Variants in RNF128 observed in about 807,000 individuals in gnomAD.
The protein encoded by RNF128 is E3 ubiquitin-protein ligase RNF128.
RNF128 carries 13 observed loss-of-function variants against 26.2 expected under a neutral mutation model. The ratio of observed to expected loss-of-function variants is 0.50; its 90% CI spans 0.32 to 0.79. RNF128 has a LOEUF of 0.79. Ranked by LOEUF, RNF128 falls within the 30% of genes least tolerant of loss-of-function variation. The pLI is 0.03. For synonymous variants in RNF128, 149 were observed against 142.5 expected, an observed-to-expected ratio of 1.05 and a Z score of -0.32; for missense variants, 315 against 349.7, an observed-to-expected ratio of 0.90 and a Z score of 0.79.
chrX:106,745,816 G>A (rs758282202), intron 1 of RNF128, among the ~76,000 whole-genome samples: 1 of 111,460 alleles, frequency 9.0e-6, no homozygotes, highest in Non-Finnish European at 1.9e-5. Context: ...AGAGAGGCTA[G>A]TTTGGCTTAA....
At chrX:106,751,658 TC>T (rs1406223391) in intron 1 of RNF128, among the ~76,000 whole-genome samples, 1 of 110,108 alleles carries the variant, frequency 9.1e-6, no homozygotes, top group Non-Finnish European at 1.9e-5. Context: ...GTGGACTTTG[TC>T]TTAACATTTG....
chrX:106,707,630 G>A (rs1929064722), intron 1 of RNF128, among the ~76,000 whole-genome samples: 1 of 110,468 alleles, frequency 9.1e-6, no homozygotes, highest in African/African-American at 3.3e-5. Flanking sequence ...GGATTTGGGG[G>A]CCAGTCACCT....
upstream of RNF128, among the ~76,000 whole-genome samples, chrX:106,724,785 C>T (rs1283548450): frequency 2.7e-5 from 3 of 111,692 alleles, no homozygotes; most frequent in Admixed American, 2.9e-4. Context: ...CATCATAGTG[C>T]TTACACTATA....
intron 1 of RNF128, among the ~76,000 whole-genome samples, chrX:106,705,118 A>G (rs868640482): frequency 6.0e-4 from 67 of 111,552 alleles, no homozygotes; most frequent in African/African-American, 2.1e-3. Context: ...GGTGGAGGGT[A>G]ACAAGTGCTA....
chrX:106,787,611 T>A (rs974302512), intron 3 of RNF128, among the ~76,000 whole-genome samples: 3 of 111,554 alleles, frequency 2.7e-5, no homozygotes, highest in African/African-American at 9.7e-5. Flanking sequence ...TTTTTAAAAA[T>A]GAGAAAAGTT....
At chrX:106,705,651 A>AT (rs1929031062) in intron 1 of RNF128, among the ~76,000 whole-genome samples, 1 of 111,761 alleles carries the variant, frequency 8.9e-6, no homozygotes, top group Non-Finnish European at 1.9e-5. Context: ...CCGAATAACC[A>AT]TTTTTCAGAA....
intron 1 of RNF128, among the ~76,000 whole-genome samples, chrX:106,755,576 G>A (rs926925872): frequency 9.0e-5 from 10 of 111,588 alleles, no homozygotes; most frequent in African/African-American, 2.9e-4. Context: ...ATGATCAAGT[G>A]GGATTTATCC....
At chrX:106,749,682 G>A (rs901677275) in intron 1 of RNF128, among the ~76,000 whole-genome samples, 1 of 111,675 alleles carries the variant, frequency 9.0e-6, no homozygotes, top group African/African-American at 3.3e-5. Flanking sequence ...ATGGTGGGAG[G>A]ATAGCTTGAA....
chrX:106,714,673 T>C, intron 1 of RNF128, among the ~76,000 whole-genome samples: 1 of 112,038 alleles, frequency 8.9e-6, no homozygotes, highest in Non-Finnish European at 1.9e-5. Context: ...ACAGAGCTCC[T>C]TCGTATTGTC....
intron 1 of RNF128, among the ~76,000 whole-genome samples, chrX:106,740,837 T>C (rs1929690230): frequency 8.9e-6 from 1 of 111,909 alleles, no homozygotes; most frequent in Non-Finnish European, 1.9e-5. Context: ...TGCTCCTTTT[T>C]TTAAACTGCC....
intron 1 of RNF128, 41 bp downstream of exon 1, chrX:106,727,438 C>T (rs201622989): frequency 8.4e-7 from 1 of 1,192,458 alleles, no homozygotes; most frequent in Admixed American, 2.3e-5. Context: ...AGACCTCTGC[C>T]ATGGCCAGTT....
At chrX:106,733,152 G>T in intron 1 of RNF128, among the ~76,000 whole-genome samples, 1 of 110,959 alleles carries the variant, frequency 9.0e-6, no homozygotes, top group East Asian at 2.8e-4. Context: ...AAATATACAG[G>T]AAGATGTGCA....
chrX:106,696,315 T>A (rs941613703), intron 1 of RNF128, among the ~76,000 whole-genome samples: 1 of 111,365 alleles, frequency 9.0e-6, no homozygotes, highest in Non-Finnish European at 1.9e-5. Context: ...ATTTTGCCCT[T>A]TTAAGACCTG....
chrX:106,727,849 A>G (rs1929434022), intron 1 of RNF128, among the ~76,000 whole-genome samples: 1 of 110,730 alleles, frequency 9.0e-6, no homozygotes, highest in African/African-American at 3.3e-5. Context: ...TTTCCTGGGT[A>G]TCAAATACTA....
At chrX:106,707,539 A>AT (rs1030862205) in intron 1 of RNF128, among the ~76,000 whole-genome samples, 12 of 111,098 alleles carry the variant, frequency 1.1e-4, no homozygotes, top group African/African-American at 3.9e-4. Flanking sequence ...TAAATAAATT[A>AT]TTTTTTAAAT....
At chrX:106,789,528 A>G (rs2147704065) in intron 4 of RNF128, among the ~76,000 whole-genome samples, 1 of 102,636 alleles carries the variant, frequency 9.7e-6, no homozygotes, top group East Asian at 2.9e-4. Flanking sequence ...TACATTATAC[A>G]CTATATACAT....
Position 106,772,942 on chromosome X carries a change from G to A in RNF128, c.514G>A (p.Gly172Ser), listed in dbSNP as rs779968781. The change falls in exon 2 of 7, where the codon GGC becomes AGC. Residue 172 changes from glycine to serine, a missense_variant. Transcript: ENST00000255499. The part of the protein sequence containing the change: ...GAVDIVAIMI[G>S]NLKGTKILQS... ...AGTAGACATTGTTGCAATCATGATC[G>A]GCAATCTGAAAGGCACAAAAATTCT... 24 of 1,207,132 alleles carry A rather than the reference G, an allele frequency of 2.0e-5. No homozygotes were observed. In the East Asian group the frequency reaches 2.7e-4, roughly 13 times the overall value.
At chrX:106,765,148 A>G (rs1044977666) in intron 1 of RNF128, among the ~76,000 whole-genome samples, 3 of 112,227 alleles carry the variant, frequency 2.7e-5, no homozygotes, top group Non-Finnish European at 5.6e-5. Flanking sequence ...ATGATCACAC[A>G]TGACTCAGTA....
chrX:106,744,564 A>T lies in RNF128; in HGVS notation c.484+17167A>T, dbSNP rs760458515. On this transcript the variant is annotated intron_variant, in intron 1 of 6. Coordinates refer to ENST00000255499, the MANE Select transcript of RNF128 (RefSeq NM_194463.2). ...AACCTCTGCCTCCCAGGTTCAAGTG[A>T]TTCTCCTGTCTCAGCCTCCCAAGTA... Among the ~76,000 whole-genome samples the T allele has an allele frequency of 7.1e-4, 79 of 110,771 alleles. 1 individual carries two copies. In the Admixed American group the frequency reaches 7.5e-3, roughly 11 times the overall value.
Sources: gnomAD v4.1 joint callset for allele counts (sites outside exome capture counted in the v4.1 genomes callset) on GRCh38, gnomAD v4.1.1 for gene constraint, MANE v1.5 for transcripts, NCBI Gene and HGNC (gene_info 2026-07-23, HGNC 2026-07-21) for gene names.